LUZP2: variants seen among roughly 807,000 people sequenced by gnomAD.
LUZP2 encodes leucine zipper protein 2.
A neutral mutation model predicts 51.6 loss-of-function variants in LUZP2; 52 were observed. The observed-to-expected ratio is 1.01, with a 90% CI of 0.81 to 1.27. The LOEUF (loss-of-function observed/expected upper bound fraction) is 1.27, where lower values mean the gene tolerates loss of function less well. LUZP2 is among the 50% of genes most tolerant of loss of function. The probability of loss-of-function intolerance (pLI) is 0.00; values close to 1 mark genes in which losing one functional copy is unlikely to be tolerated. For missense variants in LUZP2, 436 were observed against 395.4 expected (o/e 1.10, Z -0.87); for synonymous variants, 154 against 137.3 (o/e 1.12, Z -0.85).
chr11:24,809,678 T>G (rs750374277), intron 5 of LUZP2, among the ~76,000 whole-genome samples: 3 of 152,174 alleles, frequency 2.0e-5, no homozygotes, highest in Non-Finnish European at 4.4e-5. Flanking sequence ...AAAAAATGTT[T>G]TTAAATAACA....
chr11:25,043,587 T>C (rs1379338711), intron 9 of LUZP2, among the ~76,000 whole-genome samples: 1 of 151,904 alleles, frequency 6.6e-6, no homozygotes, highest in Non-Finnish European at 1.5e-5. Flanking sequence ...ATATATGATA[T>C]ATATATATCC....
At chr11:24,513,543 A>C (rs4922683) in intron 1 of LUZP2, among the ~76,000 whole-genome samples, 33,255 of 152,188 alleles carry the variant, frequency 0.22, 4,601 homozygotes, top group African/African-American at 0.39. Flanking sequence ...TGTCTCCTTA[A>C]ATAATTAGAA....
chr11:24,500,408 CAT>C (rs1480601505), intron 1 of LUZP2, among the ~76,000 whole-genome samples: 3 of 152,118 alleles, frequency 2.0e-5, no homozygotes, highest in Non-Finnish European at 4.4e-5. Flanking sequence ...AGAAAGCAAA[CAT>C]GTTGGTTTAA....
intron 4 of LUZP2, among the ~76,000 whole-genome samples, chr11:24,750,500 T>A (rs1859538136): frequency 6.6e-6 from 1 of 152,196 alleles, no homozygotes; most frequent in African/African-American, 2.4e-5. Flanking sequence ...TTAAACAAAT[T>A]AAGAATATAG....
chr11:24,788,294 A>G (rs1200392023), intron 5 of LUZP2, among the ~76,000 whole-genome samples: 1 of 137,688 alleles, frequency 7.3e-6, no homozygotes, highest in Non-Finnish European at 1.5e-5. Flanking sequence ...GGTTCAAGTG[A>G]CTCTCCTGCC....
intron 9 of LUZP2, among the ~76,000 whole-genome samples, chr11:25,040,059 C>T (rs1346179825): frequency 2.0e-5 from 3 of 151,990 alleles, no homozygotes; most frequent in Non-Finnish European, 2.9e-5. Context: ...CTATTAACAA[C>T]CTATAAATAT....
intron 2 of LUZP2, among the ~76,000 whole-genome samples, chr11:24,731,175 T>C (rs1218045521): frequency 6.6e-6 from 1 of 151,756 alleles, no homozygotes; most frequent in Non-Finnish European, 1.5e-5. Context: ...ACATTAAAAT[T>C]GTTGATTTTC....
intron 9 of LUZP2, among the ~76,000 whole-genome samples, chr11:25,031,652 T>C (rs2133992139): frequency 6.6e-6 from 1 of 152,274 alleles, no homozygotes; most frequent in Admixed American, 6.5e-5. Context: ...TTCTAATTTA[T>C]TTGAGTTGTT....
chr11:24,721,648 T>G (rs2133952008), intron 1 of LUZP2, among the ~76,000 whole-genome samples: 1 of 152,276 alleles, frequency 6.6e-6, no homozygotes. Context: ...ACAATATTAT[T>G]AAGATAAAAT....
chr11:24,782,365 G>A (rs1416466544), intron 5 of LUZP2, among the ~76,000 whole-genome samples: 1 of 151,974 alleles, frequency 6.6e-6, no homozygotes, highest in Non-Finnish European at 1.5e-5. Flanking sequence ...CTGATTAAAT[G>A]GTGTGCTCAA....
At chr11:24,732,536 A>C (rs1044555170) in intron 3 of LUZP2, among the ~76,000 whole-genome samples, 1 of 151,708 alleles carries the variant, frequency 6.6e-6, no homozygotes, top group African/African-American at 2.4e-5. Context: ...TATTGACCTA[A>C]ATGGACCATG....
intron 10 of LUZP2, among the ~76,000 whole-genome samples, chr11:25,056,067 A>G (rs1858677456): frequency 6.6e-6 from 1 of 152,144 alleles, no homozygotes; most frequent in Non-Finnish European, 1.5e-5. Flanking sequence ...CAAATGAAAA[A>G]ACTTAAAATA....
intron 1 of LUZP2, among the ~76,000 whole-genome samples, chr11:24,537,722 G>T: frequency 6.6e-6 from 1 of 151,844 alleles, no homozygotes; most frequent in African/African-American, 2.4e-5. Flanking sequence ...AAAGTGAAAA[G>T]CCTTTTACAA....
chr11:25,079,538 C>A lies in LUZP2; in HGVS notation c.*880C>A, dbSNP rs1859411994. ...AATAGCCATGTTGATTCAATAAACC[C>A]AGATGCATATTTTTTGAAAACCAAT... is the stretch of plus-strand genomic sequence containing the variant. On this transcript the variant is annotated 3_prime_UTR_variant, in exon 12 of 12. Coordinates refer to ENST00000336930, the MANE Select transcript of LUZP2 (RefSeq NM_001009909.4). 6.6e-6 allele frequency: 1 copy of A among 152,030 alleles called. No homozygotes were observed. The highest frequency in any genetic ancestry group is 6.6e-5 in the Admixed American group (1 of 15,244). The allele number at this position is 152,030 out of a possible 1,614,324, so 9.4% of individuals were successfully genotyped here. A position where few individuals can be genotyped will look rare whatever the true frequency, so the allele number is the denominator to read the frequency against.
chr11:24,934,279 T>C (rs749754913), intron 7 of LUZP2, among the ~76,000 whole-genome samples: 175 of 152,304 alleles, frequency 1.1e-3, no homozygotes, highest in Non-Finnish European at 1.9e-3. Flanking sequence ...GCCTGACACA[T>C]ACATCCAAAG....
chr11:24,532,693 A>G (rs1033999642), intron 1 of LUZP2, among the ~76,000 whole-genome samples: 3 of 151,168 alleles, frequency 2.0e-5, no homozygotes, highest in Admixed American at 6.6e-5. Flanking sequence ...TGCTAGCCTA[A>G]CAGGCAGTTC....
intron 2 of LUZP2, among the ~76,000 whole-genome samples, chr11:24,730,365 T>G (rs1287879470): frequency 2.6e-5 from 4 of 151,260 alleles, no homozygotes; most frequent in African/African-American, 9.7e-5. Context: ...TAAGCTCTTC[T>G]TCCAGAAGAT....
At chr11:24,888,826 T>A (rs1852754339) in intron 5 of LUZP2, among the ~76,000 whole-genome samples, 1 of 151,992 alleles carries the variant, frequency 6.6e-6, no homozygotes, top group Admixed American at 6.6e-5. Flanking sequence ...TCTCAGGAGA[T>A]CTGATGGTTT....
chr11:24,707,783 G>T (rs1391765738), intron 1 of LUZP2, among the ~76,000 whole-genome samples: 1 of 152,166 alleles, frequency 6.6e-6, no homozygotes, highest in Non-Finnish European at 1.5e-5. Context: ...TACCGCAAAA[G>T]AAATAGCACT....
Sources: gnomAD v4.1 joint callset for allele counts (sites outside exome capture counted in the v4.1 genomes callset) on GRCh38, gnomAD v4.1.1 for gene constraint, MANE v1.5 for transcripts, NCBI Gene and HGNC (gene_info 2026-07-23, HGNC 2026-07-21) for gene names.